Variants in IL1RAP observed in about 807,000 individuals in gnomAD.
The protein encoded by IL1RAP is interleukin 1 receptor accessory protein.
Under a neutral mutation model 60.7 loss-of-function variants are expected in IL1RAP, and 35 were observed. That is an observed-to-expected ratio of 0.58 (90% CI 0.44 to 0.76). The LOEUF is 0.76. Among genes scored for constraint, IL1RAP ranks in the 30% least tolerant of loss-of-function variants. IL1RAP has a pLI of 0.00. For synonymous variants in IL1RAP, 268 were observed against 250.9 expected, an observed-to-expected ratio of 1.07 and a Z score of -0.64; for missense variants, 572 against 693.9, an observed-to-expected ratio of 0.82 and a Z score of 1.97.
chr3:190,528,131 T>A (rs1722672251), intron 1 of IL1RAP, among the ~76,000 whole-genome samples: 1 of 152,214 alleles, frequency 6.6e-6, no homozygotes, highest in South Asian at 2.1e-4. Context: ...TGGACTGTAA[T>A]TCCTTTGGAA....
At chr3:190,554,027 C>G (rs7640668) in intron 1 of IL1RAP, among the ~76,000 whole-genome samples, 91,311 of 139,110 alleles carry the variant, frequency 0.66, 30,342 homozygotes, top group South Asian at 0.78. Flanking sequence ...CGCCACTGCA[C>G]TCCAGCCTGG....
chr3:190,629,535 A>G (rs751448745), intron 9 of IL1RAP, 37 bp downstream of exon 9: 1 of 1,578,584 alleles, frequency 6.3e-7, no homozygotes, highest in Admixed American at 1.9e-5. Context: ...TCTCAGCTCC[A>G]AATTAACATT....
chr3:190,540,830 T>G (rs1466183310), intron 1 of IL1RAP, among the ~76,000 whole-genome samples: 1 of 152,100 alleles, frequency 6.6e-6, no homozygotes, highest in Non-Finnish European at 1.5e-5. Context: ...GGTAATCCAC[T>G]AAGAGATGGC....
intron 3 of IL1RAP, among the ~76,000 whole-genome samples, chr3:190,590,120 G>A (rs1456769463): frequency 6.6e-6 from 1 of 152,126 alleles, no homozygotes; most frequent in Non-Finnish European, 1.5e-5. Context: ...AGTCCATGTG[G>A]CATTTTCGTG....
chr3:190,654,849 G>A (rs1409763718), downstream of IL1RAP, among the ~76,000 whole-genome samples: 3 of 152,172 alleles, frequency 2.0e-5, no homozygotes, highest in Non-Finnish European at 2.9e-5. Context: ...CATGTTCTAA[G>A]CTCCTAAATC....
chr3:190,583,549 C>T (rs1463073564), intron 3 of IL1RAP, among the ~76,000 whole-genome samples: 1 of 152,228 alleles, frequency 6.6e-6, no homozygotes, highest in Non-Finnish European at 1.5e-5. Context: ...AGGACTAAAG[C>T]TCTCTCTTTG....
Position 190,650,831 on chromosome 3 carries a change from T to C in IL1RAP, c.*2126T>C. The C allele has an allele frequency of 1.0e-6, 1 of 985,324 alleles. No homozygotes were observed. Among genetic ancestry groups the C allele is most frequent in the South Asian group, 4.7e-5 (1 of 21,282 alleles). The allele number at this position is 985,324 out of a possible 1,614,324, so 61.0% of individuals were successfully genotyped here. A position where few individuals can be genotyped will look rare whatever the true frequency, so the allele number is the denominator to read the frequency against. ...TAAGCTTTGAATATCAATTCTTACA[T>C]AAACTTTAGGCAAACAGGGAATAGT... is the stretch of plus-strand genomic sequence containing the variant. On this transcript the variant is annotated 3_prime_UTR_variant, in exon 12 of 12. Coordinates refer to ENST00000447382, the MANE Select transcript of IL1RAP (RefSeq NM_002182.4).
downstream of IL1RAP, chr3:190,656,329 C>T (rs200780556): frequency 7.6e-4 from 1,165 of 1,537,208 alleles, no homozygotes; most frequent in Non-Finnish European, 7.6e-4. Context: ...CCCTCCAGCC[C>T]CAGGCACAAT....
chr3:190,522,498 A>G (rs1722172292), intron 1 of IL1RAP, among the ~76,000 whole-genome samples: 1 of 151,986 alleles, frequency 6.6e-6, no homozygotes. Context: ...AAGAAAAAAT[A>G]TATTAAGCCT....
chr3:190,578,318 T>G (rs1477292018), intron 3 of IL1RAP, among the ~76,000 whole-genome samples: 1 of 152,208 alleles, frequency 6.6e-6, no homozygotes, highest in African/African-American at 2.4e-5. Flanking sequence ...GCTGTTGTAT[T>G]CCTCGGGATG....
In IL1RAP at chr3:190,623,325, T is replaced by C; in HGVS notation, c.704-19T>C. 6.3e-7 allele frequency: 1 copy of C among 1,598,742 alleles called. No individual in the cohort carries two copies. The highest frequency in any genetic ancestry group is 8.6e-7 in the Non-Finnish European group (1 of 1,166,478). ...GCCTGATTTAACATCATCTCCCTTTTTTATTTCCTCTAACACAGGCTCTCC... is the reference window on the plus strand; with the variant it reads ...GCCTGATTTAACATCATCTCCCTTTCTTATTTCCTCTAACACAGGCTCTCC... On this transcript the variant is annotated intron_variant, in intron 6 of 11. Coordinates refer to ENST00000447382, the MANE Select transcript of IL1RAP (RefSeq NM_002182.4).
intron 3 of IL1RAP, among the ~76,000 whole-genome samples, chr3:190,590,817 A>G (rs1277771543): frequency 2.6e-5 from 4 of 152,058 alleles, no homozygotes; most frequent in Non-Finnish European, 5.9e-5. Flanking sequence ...CTGTTGTACT[A>G]TTTACATTCA....
chr3:190,595,676 G>A (rs147879713), intron 3 of IL1RAP, among the ~76,000 whole-genome samples: 3 of 152,136 alleles, frequency 2.0e-5, no homozygotes, highest in South Asian at 2.1e-4. Context: ...GGCCTGATCC[G>A]CATTGGTTTC....
intron 3 of IL1RAP, among the ~76,000 whole-genome samples, chr3:190,577,256 A>G (rs1234660604): frequency 6.6e-6 from 1 of 152,318 alleles, no homozygotes; most frequent in East Asian, 1.9e-4. Flanking sequence ...CTGTATAAAA[A>G]CAAATACCAT....
At chr3:190,622,522 A>C (rs1256620601) in intron 6 of IL1RAP, among the ~76,000 whole-genome samples, 1 of 151,686 alleles carries the variant, frequency 6.6e-6, no homozygotes, top group South Asian at 2.1e-4. Context: ...GTTACCCACA[A>C]CTCTGCCTGA....
At chr3:190,564,005 T>C (rs1194818177) in intron 2 of IL1RAP, 5 of 343,592 alleles carry the variant, frequency 1.5e-5, no homozygotes. Context: ...GGTGATGTTA[T>C]TGAAACTTGT....
chr3:190,516,045 C>T (rs1448379155), intron 1 of IL1RAP, among the ~76,000 whole-genome samples: 1 of 152,148 alleles, frequency 6.6e-6, no homozygotes, highest in Non-Finnish European at 1.5e-5. Flanking sequence ...GAACTTCATG[C>T]AATAATTTAC....
At chr3:190,535,149 A>G (rs1723335592) in intron 1 of IL1RAP, among the ~76,000 whole-genome samples, 1 of 152,134 alleles carries the variant, frequency 6.6e-6, no homozygotes, top group African/African-American at 2.4e-5. Flanking sequence ...AAGCTTAAAG[A>G]TGCTATCACA....
intron 3 of IL1RAP, among the ~76,000 whole-genome samples, chr3:190,566,800 G>C (rs941084289): frequency 6.6e-6 from 1 of 152,160 alleles, no homozygotes; most frequent in Non-Finnish European, 1.5e-5. Context: ...AGTGGGGGAA[G>C]AAAGAAATCA....
Sources: allele counts gnomAD v4.1 joint callset (sites outside exome capture counted in the v4.1 genomes callset), GRCh38; gene constraint gnomAD v4.1.1; transcripts MANE v1.5; gene names NCBI Gene and HGNC (gene_info 2026-07-23, HGNC 2026-07-21).